Variants in SPIRE1 observed in about 807,000 individuals in gnomAD.
SPIRE1 encodes the protein spire type actin nucleation factor 1, also known as protein spire homolog 1.
SPIRE1 carries 40 observed loss-of-function variants against 94.1 expected under a neutral mutation model. That is an observed-to-expected ratio of 0.43 (90% CI 0.33 to 0.55). SPIRE1 has a LOEUF of 0.55. Ranked by LOEUF, SPIRE1 falls within the 20% of genes least tolerant of loss-of-function variation. The probability of loss-of-function intolerance (pLI) is 0.06; values close to 1 mark genes in which losing one functional copy is unlikely to be tolerated. For missense variants in SPIRE1, 838 were observed against 975.2 expected, an observed-to-expected ratio of 0.86 and a Z score of 1.87; for synonymous variants, 376 against 371.7, an observed-to-expected ratio of 1.01 and a Z score of -0.13.
Position 12,454,366 on chromosome 18 carries a change from T to A in SPIRE1, c.1756A>T (p.Thr586Ser). Residue 586 changes from threonine (T) to serine (S), a missense_variant, in exon 13 of 17, where the codon ACC (threonine) becomes TCC (serine). Coordinates refer to ENST00000409402, the MANE Select transcript of SPIRE1 (RefSeq NM_001128626.2). ...ACTACCTTTCCTTTTTTCAAGGCGG[T>A]GTAGATGTCTTTATACTGTTGGTAT... ...EKYQQYKDIY[T>S]ALKKGKLCFC... 1 of 1,614,116 alleles carries A rather than the reference T, an allele frequency of 6.2e-7. No individual in the cohort carries two copies. The highest frequency in any genetic ancestry group is 1.7e-5 in the Admixed American group (1 of 60,020).
intron 2 of SPIRE1, among the ~76,000 whole-genome samples, chr18:12,595,291 G>C (rs1358681535): frequency 1.3e-5 from 2 of 152,076 alleles, no homozygotes; most frequent in Non-Finnish European, 2.9e-5. Flanking sequence ...GGGCAACAGA[G>C]CCAGACCCTG....
intron 6 of SPIRE1, among the ~76,000 whole-genome samples, chr18:12,505,570 A>G (rs1454627592): frequency 1.3e-5 from 2 of 151,452 alleles, no homozygotes; most frequent in African/African-American, 2.4e-5. Context: ...AAAAAAAACA[A>G]AAAAACTCTC....
chr18:12,547,593 T>C (rs960505826), intron 2 of SPIRE1, among the ~76,000 whole-genome samples: 5 of 152,194 alleles, frequency 3.3e-5, no homozygotes, highest in East Asian at 1.9e-4. Flanking sequence ...AAAGCACATA[T>C]AAAACCTTTT....
intron 2 of SPIRE1, among the ~76,000 whole-genome samples, chr18:12,558,276 C>T (rs1431651739): frequency 2.6e-5 from 4 of 152,132 alleles, no homozygotes; most frequent in Non-Finnish European, 5.9e-5. Flanking sequence ...GTGAGTGTTA[C>T]AGTTCTTAAA....
chr18:12,510,775 G>C (rs1042528090), intron 5 of SPIRE1, among the ~76,000 whole-genome samples: 2 of 151,892 alleles, frequency 1.3e-5, no homozygotes, highest in Non-Finnish European at 2.9e-5. Context: ...CCTGACTTCA[G>C]GTGATCCGCC....
chr18:12,448,664 A>C lies in SPIRE1; in HGVS notation c.*974T>G, dbSNP rs2031065320. The stretch of plus-strand genomic sequence containing the variant: ...ATTTATAAAAATAAATTTTAGTTTG[A>C]GACCCTAGGTACCAAATTGTGGCTT... On this transcript the variant is annotated 3_prime_UTR_variant, in exon 17 of 17. Coordinates refer to ENST00000409402, the MANE Select transcript of SPIRE1 (RefSeq NM_001128626.2). The surrounding 1 kb of genome is among the most constrained non-coding windows in gnomAD (Gnocchi z 4.4). The C allele has an allele frequency of 6.6e-6, 1 of 152,212 alleles. No individual in the cohort carries two copies. The highest frequency in any genetic ancestry group is 2.1e-4 in the South Asian group (1 of 4,824). The allele number at this position is 152,212 out of a possible 1,614,324, so 9.4% of individuals were successfully genotyped here.
At chr18:12,525,276 C>CAAAAAAAAAAAAAAAAAAA (rs1170791088) in intron 4 of SPIRE1, among the ~76,000 whole-genome samples, 1 of 71,500 alleles carries the variant, frequency 1.4e-5, no homozygotes, top group Non-Finnish European at 2.7e-5. Flanking sequence ...GACTCCGTCT[C>CAAAAAAAAAAAAAAAAAAA]AAAAAAAAAA....
At chr18:12,618,001 T>C (rs1321720118) in intron 2 of SPIRE1, among the ~76,000 whole-genome samples, 1 of 152,226 alleles carries the variant, frequency 6.6e-6, no homozygotes, top group African/African-American at 2.4e-5. Context: ...TTACCTGTAG[T>C]TCCATGTTCC....
At chr18:12,495,293 T>A (rs1281841919) in intron 7 of SPIRE1, among the ~76,000 whole-genome samples, 2 of 152,026 alleles carry the variant, frequency 1.3e-5, no homozygotes, top group African/African-American at 4.8e-5. Context: ...ATATTCTGAG[T>A]CTATGGTTGC....
intron 2 of SPIRE1, among the ~76,000 whole-genome samples, chr18:12,626,281 C>G (rs994040839): frequency 6.6e-6 from 1 of 152,174 alleles, no homozygotes; most frequent in Non-Finnish European, 1.5e-5. Context: ...ATAACCAGAT[C>G]GAGGTCCAAG....
intron 12 of SPIRE1, among the ~76,000 whole-genome samples, chr18:12,462,279 T>C (rs562883137): frequency 5.1e-4 from 77 of 152,364 alleles, no homozygotes; most frequent in Admixed American, 3.3e-3. Flanking sequence ...ATTACTTTAA[T>C]TGAAACTCTA....
intron 2 of SPIRE1, among the ~76,000 whole-genome samples, chr18:12,580,327 CTCTTTT>C (rs1449268370): frequency 1.3e-5 from 2 of 151,878 alleles, no homozygotes; most frequent in East Asian, 3.9e-4. Context: ...CTCTCTCTCT[CTCTTTT>C]TTTTTTGGGA....
intron 2 of SPIRE1, among the ~76,000 whole-genome samples, chr18:12,596,682 T>C (rs2036679472): frequency 6.6e-6 from 1 of 152,154 alleles, no homozygotes; most frequent in Non-Finnish European, 1.5e-5. Flanking sequence ...TAAAATACTG[T>C]TTTATGGTTA....
chr18:12,451,540 C>T (rs1467394815), intron 16 of SPIRE1, among the ~76,000 whole-genome samples: 1 of 152,168 alleles, frequency 6.6e-6, no homozygotes, highest in African/African-American at 2.4e-5. Flanking sequence ...AAAATTCACA[C>T]CCAGAGGTCT....
chr18:12,600,225 TGACA>T (rs2036795280), intron 2 of SPIRE1, among the ~76,000 whole-genome samples: 1 of 152,030 alleles, frequency 6.6e-6, no homozygotes. Flanking sequence ...GAGCCCCAGC[TGACA>T]CCTGAATTAG....
chr18:12,510,899 T>C (rs1364370071), intron 5 of SPIRE1, among the ~76,000 whole-genome samples: 1 of 152,194 alleles, frequency 6.6e-6, no homozygotes, highest in East Asian at 1.9e-4. Context: ...AAGACTGTCA[T>C]GCCTACCAAC....
At chr18:12,457,989 C>T (rs1232720229) in intron 12 of SPIRE1, among the ~76,000 whole-genome samples, 5 of 151,506 alleles carry the variant, frequency 3.3e-5, no homozygotes, top group East Asian at 2.0e-4. Context: ...GGACGACAGG[C>T]GCCCGCCACT....
chr18:12,539,576 T>TACACACAC (rs1274536449), intron 3 of SPIRE1, among the ~76,000 whole-genome samples: 1 of 144,548 alleles, frequency 6.9e-6, no homozygotes, highest in Admixed American at 6.9e-5. Flanking sequence ...AACATACACA[T>TACACACAC]ACACACACAC....
chr18:12,473,211 C>T (rs144304127), intron 10 of SPIRE1, among the ~76,000 whole-genome samples: 2 of 152,126 alleles, frequency 1.3e-5, no homozygotes, highest in Non-Finnish European at 2.9e-5. Flanking sequence ...CTGTGAGCCA[C>T]CCACCTGGCT....
Sources: gnomAD v4.1 joint callset for allele counts (sites outside exome capture counted in the v4.1 genomes callset) on GRCh38, gnomAD v4.1.1 for gene constraint, Gnocchi (gnomAD v3.1) non-coding constraint, MANE v1.5 for transcripts, NCBI Gene and HGNC (gene_info 2026-07-23, HGNC 2026-07-21) for gene names.